Variants in SNTG1 observed in about 807,000 individuals in gnomAD.
The protein encoded by SNTG1 is gamma-1-syntrophin.
In SNTG1, 39 loss-of-function variants were observed where a neutral mutation model predicts 74.7. That is an observed-to-expected ratio of 0.52 (90% CI 0.40 to 0.68). The LOEUF is 0.68. Among genes scored for constraint, SNTG1 ranks in the 30% least tolerant of loss-of-function variants. SNTG1 has a pLI of 0.00. For synonymous variants in SNTG1, 254 were observed against 217.1 expected, an observed-to-expected ratio of 1.17 and a Z score of -1.49; for missense variants, 685 against 609.5, an observed-to-expected ratio of 1.12 and a Z score of -1.30.
chr8:50,751,086 G>T (rs2095566217), intron 17 of SNTG1, among the ~76,000 whole-genome samples: 1 of 151,834 alleles, frequency 6.6e-6, no homozygotes, highest in Non-Finnish European at 1.5e-5. Context: ...GAAACCATAA[G>T]AAATCATTTA....
At chr8:50,540,784 T>A (rs1725515270) in intron 11 of SNTG1, among the ~76,000 whole-genome samples, 1 of 152,168 alleles carries the variant, frequency 6.6e-6, no homozygotes, top group Non-Finnish European at 1.5e-5. Flanking sequence ...TCTATCTGTA[T>A]TAGGATAAAT....
intron 2 of SNTG1, among the ~76,000 whole-genome samples, chr8:50,264,540 A>G (rs2087357266): frequency 6.6e-6 from 1 of 151,922 alleles, no homozygotes. Flanking sequence ...ACTGCACTCC[A>G]GCCTGAGCAA....
chr8:50,194,449 G>A (rs568185546), intron 2 of SNTG1, among the ~76,000 whole-genome samples: 1 of 152,036 alleles, frequency 6.6e-6, no homozygotes, highest in African/African-American at 2.4e-5. Context: ...TCTAGTTTAT[G>A]TGTGTATAGG....
chr8:50,481,360 G>C (rs1025613597), intron 8 of SNTG1, among the ~76,000 whole-genome samples: 11 of 152,138 alleles, frequency 7.2e-5, no homozygotes, highest in African/African-American at 2.7e-4. Flanking sequence ...CAGCATGGGC[G>C]ACAGAGTGAG....
At chr8:50,582,168 G>T (rs1404631851) in intron 12 of SNTG1, among the ~76,000 whole-genome samples, 1 of 152,116 alleles carries the variant, frequency 6.6e-6, no homozygotes, top group Non-Finnish European at 1.5e-5. Flanking sequence ...TTGATTGCTT[G>T]TTTGTTTTGC....
intron 8 of SNTG1, among the ~76,000 whole-genome samples, chr8:50,468,939 G>A (rs1479465714): frequency 6.6e-6 from 1 of 152,032 alleles, no homozygotes; most frequent in Non-Finnish European, 1.5e-5. Flanking sequence ...CATCTCTTAT[G>A]ACATTACTAT....
At chr8:50,151,895 G>A (rs1421765430) in intron 1 of SNTG1, among the ~76,000 whole-genome samples, 1 of 152,154 alleles carries the variant, frequency 6.6e-6, no homozygotes, top group Non-Finnish European at 1.5e-5. Flanking sequence ...TGTTGATTTG[G>A]GGTGGAGAGT....
At chr8:50,327,214 C>A (rs1288984239) in intron 2 of SNTG1, among the ~76,000 whole-genome samples, 1 of 152,098 alleles carries the variant, frequency 6.6e-6, no homozygotes, top group African/African-American at 2.4e-5. Context: ...CAACTATAAG[C>A]TTACTGCCTT....
intron 1 of SNTG1, among the ~76,000 whole-genome samples, chr8:49,960,619 A>ATTTT (rs1810594049): frequency 1.3e-5 from 2 of 152,144 alleles, no homozygotes; most frequent in Non-Finnish European, 2.9e-5. Flanking sequence ...ACCATGTGTT[A>ATTTT]GAGTAATACA....
At chr8:50,346,698 C>T (rs1182454099) in intron 2 of SNTG1, among the ~76,000 whole-genome samples, 6 of 152,220 alleles carry the variant, frequency 3.9e-5, no homozygotes, top group Non-Finnish European at 5.9e-5. Context: ...AATACTTCTC[C>T]AGTGAACACA....
At chr8:50,229,460 T>C (rs947352135) in intron 2 of SNTG1, among the ~76,000 whole-genome samples, 2 of 151,462 alleles carry the variant, frequency 1.3e-5, no homozygotes, top group Non-Finnish European at 3.0e-5. Context: ...GGGTTAGCTA[T>C]ATAAATTTCA....
intron 13 of SNTG1, among the ~76,000 whole-genome samples, chr8:50,598,248 C>A (rs941722230): frequency 1.3e-5 from 2 of 151,790 alleles, no homozygotes; most frequent in African/African-American, 2.4e-5. Context: ...GTCTTTAAGA[C>A]ATTTTGATTT....
intron 15 of SNTG1, among the ~76,000 whole-genome samples, chr8:50,698,590 G>C (rs1002334013): frequency 6.6e-6 from 1 of 152,144 alleles, no homozygotes; most frequent in Non-Finnish European, 1.5e-5. Flanking sequence ...CCCTGCTTGA[G>C]CACCAGATCC....
intron 1 of SNTG1, among the ~76,000 whole-genome samples, chr8:50,161,562 C>T (rs143925879): frequency 8.3e-4 from 126 of 152,026 alleles, no homozygotes; most frequent in African/African-American, 3.0e-3. Context: ...CCAAGAGGAC[C>T]TGATAGTGTG....
At chr8:50,584,843 G>A (rs965582382) in intron 12 of SNTG1, among the ~76,000 whole-genome samples, 1 of 152,062 alleles carries the variant, frequency 6.6e-6, no homozygotes, top group African/African-American at 2.4e-5. Flanking sequence ...TGAAGTCCCC[G>A]CAGATGGAGC....
At chr8:50,446,359 C>G (rs563250550) in intron 5 of SNTG1, among the ~76,000 whole-genome samples, 1 of 135,252 alleles carries the variant, frequency 7.4e-6, no homozygotes, top group Non-Finnish European at 1.5e-5. Context: ...CATCAGAGCT[C>G]CAAATGTCTA....
At chr8:50,693,854 A>T (rs1186587601) in intron 15 of SNTG1, among the ~76,000 whole-genome samples, 1 of 152,218 alleles carries the variant, frequency 6.6e-6, no homozygotes, top group African/African-American at 2.4e-5. Context: ...ATGCTCCTGA[A>T]CAACCAATGG....
chr8:50,121,889 T>C (rs2081008722), intron 1 of SNTG1, among the ~76,000 whole-genome samples: 1 of 142,146 alleles, frequency 7.0e-6, no homozygotes, highest in Non-Finnish European at 1.6e-5. Flanking sequence ...AGAGAATAAA[T>C]GCAATAAGGC....
chr8:50,301,136 T>G lies in SNTG1; in HGVS notation c.-27-93076T>G, dbSNP rs186573180. 2.1e-3 allele frequency among the ~76,000 whole-genome samples: 314 copies of G among 152,216 alleles called. 2 individuals are homozygous for G. Among genetic ancestry groups the G allele is most frequent in the African/African-American group, 7.1e-3 (294 of 41,556 alleles). The stretch of plus-strand genomic sequence containing the variant: ...ATTTTTCATCAACTGTGGAAAGTTT[T>G]TATTCATTATTTTTCCATTTTCTTC... On this transcript the variant is annotated intron_variant, in intron 2 of 18. Transcript: ENST00000642720.
Sources: gnomAD v4.1 joint callset for allele counts (sites outside exome capture counted in the v4.1 genomes callset) on GRCh38, gnomAD v4.1.1 for gene constraint, MANE v1.5 for transcripts, NCBI Gene and HGNC (gene_info 2026-07-23, HGNC 2026-07-21) for gene names.